Variants in CNTNAP2 observed in about 807,000 individuals in gnomAD.
The protein encoded by CNTNAP2 is contactin associated protein 2, also known as contactin-associated protein-like 2.
CNTNAP2 carries 98 observed loss-of-function variants against 155.2 expected under a neutral mutation model. That is an observed-to-expected ratio of 0.63 (90% CI 0.54 to 0.75). CNTNAP2 has a LOEUF of 0.75. Among genes scored for constraint, CNTNAP2 ranks in the 30% least tolerant of loss-of-function variants. The probability of loss-of-function intolerance (pLI) is 0.00; values close to 1 mark genes in which losing one functional copy is unlikely to be tolerated. For missense variants in CNTNAP2, 1,727 were observed against 1,688.1 expected, an observed-to-expected ratio of 1.02 and a Z score of -0.40; for synonymous variants, 651 against 631.2, an observed-to-expected ratio of 1.03 and a Z score of -0.47.
chr7:147,868,098 G>C (rs1799264816), intron 13 of CNTNAP2, among the ~76,000 whole-genome samples: 1 of 152,020 alleles, frequency 6.6e-6, no homozygotes, highest in African/African-American at 2.4e-5. Flanking sequence ...ATCTACCTTT[G>C]GTCTATGTGA....
chr7:147,516,708 C>A (rs1799134452), intron 11 of CNTNAP2, among the ~76,000 whole-genome samples: 1 of 151,512 alleles, frequency 6.6e-6, no homozygotes, highest in African/African-American at 2.4e-5. Flanking sequence ...CACAAAAATT[C>A]ATTTATAATT....
intron 10 of CNTNAP2, among the ~76,000 whole-genome samples, chr7:147,441,013 C>A (rs1797627122): frequency 6.6e-6 from 1 of 151,950 alleles, no homozygotes; most frequent in Non-Finnish European, 1.5e-5. Context: ...TTTCTTTAGG[C>A]TTGGAAATTT....
At chr7:147,900,790 A>C (rs985313593) in intron 13 of CNTNAP2, among the ~76,000 whole-genome samples, 1 of 152,064 alleles carries the variant, frequency 6.6e-6, no homozygotes, top group Non-Finnish European at 1.5e-5. Flanking sequence ...CTATGAAATC[A>C]TTCCGTTTTT....
intron 8 of CNTNAP2, among the ~76,000 whole-genome samples, chr7:147,216,162 G>T (rs1803265844): frequency 1.3e-5 from 2 of 151,348 alleles, no homozygotes; most frequent in Non-Finnish European, 1.5e-5. Flanking sequence ...TAGTCTTTTG[G>T]CAAAGCAGAA....
chr7:148,220,260 G>A (rs1185175408), intron 19 of CNTNAP2, among the ~76,000 whole-genome samples: 3 of 152,088 alleles, frequency 2.0e-5, no homozygotes, highest in Middle Eastern at 3.2e-3. Context: ...CTGCCACAAC[G>A]CCCGGCTAAT....
intron 8 of CNTNAP2, among the ~76,000 whole-genome samples, chr7:147,258,235 T>A (rs1406851598): frequency 5.3e-5 from 8 of 152,198 alleles, no homozygotes; most frequent in African/African-American, 1.7e-4. Context: ...TTTTAATTGA[T>A]GCATAGTGGT....
At chr7:147,856,878 C>T (rs1799048606) in intron 13 of CNTNAP2, among the ~76,000 whole-genome samples, 1 of 152,054 alleles carries the variant, frequency 6.6e-6, no homozygotes, top group African/African-American at 2.4e-5. Flanking sequence ...TAAAAGTCTA[C>T]AGATTTGAGT....
At chr7:147,698,019 G>A (rs372405450) in intron 13 of CNTNAP2, among the ~76,000 whole-genome samples, 6 of 152,096 alleles carry the variant, frequency 3.9e-5, no homozygotes, top group African/African-American at 1.2e-4. Flanking sequence ...TACAGTTTAG[G>A]GTTTCCTACC....
intron 3 of CNTNAP2, among the ~76,000 whole-genome samples, chr7:146,956,216 T>C (rs1797432322): frequency 6.6e-6 from 1 of 152,122 alleles, no homozygotes; most frequent in Non-Finnish European, 1.5e-5. Flanking sequence ...TGTAAACAAT[T>C]CAGTTAGGAA....
At chr7:147,479,557 C>T (rs562600396) in intron 10 of CNTNAP2, among the ~76,000 whole-genome samples, 1 of 152,168 alleles carries the variant, frequency 6.6e-6, no homozygotes, top group African/African-American at 2.4e-5. Flanking sequence ...ATTTTATTTA[C>T]AAAACAGTGA....
At chr7:147,090,126 T>C (rs1336393549) in intron 4 of CNTNAP2, among the ~76,000 whole-genome samples, 2 of 152,172 alleles carry the variant, frequency 1.3e-5, no homozygotes, top group Admixed American at 1.3e-4. Context: ...GCCCAATTTG[T>C]CCTAAATCCA....
At chr7:147,117,000 A>G (rs1801004874) in intron 5 of CNTNAP2, among the ~76,000 whole-genome samples, 1 of 152,160 alleles carries the variant, frequency 6.6e-6, no homozygotes, top group South Asian at 2.1e-4. Flanking sequence ...TGGTCTCAAG[A>G]AGGCTTTGTC....
At chr7:148,021,640 C>T (rs1802280707) in intron 15 of CNTNAP2, among the ~76,000 whole-genome samples, 1 of 152,226 alleles carries the variant, frequency 6.6e-6, no homozygotes, top group Non-Finnish European at 1.5e-5. Flanking sequence ...CCTGGGGATC[C>T]AGTCCCCGGT....
chr7:146,183,633 T>C (rs1199037218), intron 1 of CNTNAP2, among the ~76,000 whole-genome samples: 1 of 150,684 alleles, frequency 6.6e-6, no homozygotes, highest in African/African-American at 2.4e-5. Context: ...ATAATAATAA[T>C]AATAATAAAT....
At chr7:146,730,417 T>A (rs1348611059) in intron 1 of CNTNAP2, among the ~76,000 whole-genome samples, 4 of 152,136 alleles carry the variant, frequency 2.6e-5, no homozygotes, top group Non-Finnish European at 4.4e-5. Flanking sequence ...TATAACATTG[T>A]ACACATCCAA....
intron 1 of CNTNAP2, among the ~76,000 whole-genome samples, chr7:146,519,844 A>C (rs1200051821): frequency 6.6e-6 from 1 of 151,910 alleles, no homozygotes; most frequent in Non-Finnish European, 1.5e-5. Context: ...AACCCCATGA[A>C]TTAGTATCAA....
At chr7:147,260,524 T>C (rs1235201731) in intron 8 of CNTNAP2, among the ~76,000 whole-genome samples, 1 of 152,180 alleles carries the variant, frequency 6.6e-6, no homozygotes, top group Non-Finnish European at 1.5e-5. Flanking sequence ...TATTATAGTA[T>C]GCATGAGATG....
intron 6 of CNTNAP2, chr7:147,122,584 C>G (rs889287670): frequency 6.6e-6 from 1 of 152,156 alleles, no homozygotes; most frequent in Non-Finnish European, 1.5e-5. Context: ...CACTTTTACT[C>G]TACATGATAC....
intron 13 of CNTNAP2, among the ~76,000 whole-genome samples, chr7:147,741,258 T>A (rs1201211339): frequency 2.6e-5 from 4 of 152,178 alleles, no homozygotes; most frequent in African/African-American, 9.6e-5. Context: ...AGATAAGGGA[T>A]CTATGTGTCA....
Sources: gnomAD v4.1 joint callset for allele counts (sites outside exome capture counted in the v4.1 genomes callset) on GRCh38, gnomAD v4.1.1 for gene constraint, MANE v1.5 for transcripts, NCBI Gene and HGNC (gene_info 2026-07-23, HGNC 2026-07-21) for gene names.